Variants in SMCHD1 observed in about 807,000 individuals in gnomAD.
SMCHD1 encodes the protein structural maintenance of chromosomes flexible hinge domain containing 1.
In SMCHD1, 78 loss-of-function variants were observed where a neutral mutation model predicts 254.7. The ratio of observed to expected loss-of-function variants is 0.31; its 90% CI spans 0.26 to 0.37. The LOEUF is 0.37. SMCHD1 is among the 10% of genes least tolerant of loss of function. SMCHD1 has a pLI of 1.00. For synonymous variants in SMCHD1, 766 were observed against 794.9 expected (o/e 0.96, Z 0.61); for missense variants, 1,840 against 2,408.1 (o/e 0.76, Z 4.94).
At chr18:2,756,054 A>G (rs977400379) in intron 34 of SMCHD1, among the ~76,000 whole-genome samples, 1 of 152,142 alleles carries the variant, frequency 6.6e-6, no homozygotes, top group Non-Finnish European at 1.5e-5. Context: ...CTAAGTCTTA[A>G]TTATAAATTG....
rs370792458 is a variant in SMCHD1, at chr18:2,656,202, C to T, written c.127C>T (p.Arg43Trp). The T allele has an allele frequency of 3.3e-6, 5 of 1,505,042 alleles. No individual in the cohort carries two copies. The highest frequency in any genetic ancestry group is 2.7e-5 in the East Asian group (1 of 36,920). The allele number at this position is 1,505,042 out of a possible 1,614,324, so 93.2% of individuals were successfully genotyped here. A position where few individuals can be genotyped will look rare whatever the true frequency, so the allele number is the denominator to read the frequency against. The change falls in exon 1 of 48, where the codon CGG (arginine) becomes TGG (tryptophan). Residue 43 changes from arginine to tryptophan, a missense_variant. Arg to Trp is a moderately radical substitution (Grantham distance 101). This residue lies in a region of SMCHD1 where 115 missense variants were observed against 99.1 expected (regional missense o/e 1.16). Transcript: ENST00000320876. The part of the protein sequence containing the change: ...RREKESELGD[R>W]PLQVGERSDY... ...CGAAAAGGAGTCCGAGCTCGGGGAC[C>T]GGCCTCTGCAGGTCGGGGAGCGCTC...
intron 34 of SMCHD1, among the ~76,000 whole-genome samples, chr18:2,760,030 C>T (rs540438218): frequency 3.9e-5 from 6 of 152,124 alleles, no homozygotes; most frequent in Admixed American, 2.0e-4. Flanking sequence ...TGCATTGAGC[C>T]GGTATTTTGA....
intron 12 of SMCHD1, among the ~76,000 whole-genome samples, chr18:2,701,911 G>A (rs1157088138): frequency 6.6e-6 from 1 of 152,046 alleles, no homozygotes; most frequent in Non-Finnish European, 1.5e-5. Flanking sequence ...CCTGTAAGAT[G>A]TTGAAATTAA....
Position 2,726,544 on chromosome 18 carries a change from TA to T in SMCHD1, c.2773+21del. Reference sequence around the variant, plus strand: ...TACCTGGTAATATTATTTCAAGAAATATAATTATTTAAAATAATTTTCTTAT... The same window carrying T: ...TACCTGGTAATATTATTTCAAGAAATTAATTATTTAAAATAATTTTCTTAT... On this transcript the variant is annotated intron_variant, in intron 22 of 47. Transcript: ENST00000320876. The T allele has an allele frequency of 3.5e-6, 4 of 1,134,460 alleles. No individual in the cohort carries two copies. Among genetic ancestry groups the T allele is most frequent in the Non-Finnish European group, 4.9e-6 (4 of 811,216 alleles). The allele number at this position is 1,134,460 out of a possible 1,614,324, so 70.3% of individuals were successfully genotyped here. A position where few individuals can be genotyped will look rare whatever the true frequency, so the allele number is the denominator to read the frequency against.
chr18:2,687,283 T>A (rs2074074077), intron 5 of SMCHD1, among the ~76,000 whole-genome samples: 1 of 152,236 alleles, frequency 6.6e-6, no homozygotes, highest in African/African-American at 2.4e-5. Flanking sequence ...TATGTTAGAT[T>A]GTGCTTGTAG....
intron 20 of SMCHD1, among the ~76,000 whole-genome samples, chr18:2,723,386 G>GT (rs2074965874): frequency 1.3e-5 from 2 of 151,964 alleles, no homozygotes; most frequent in Admixed American, 6.6e-5. Flanking sequence ...AAATGAGTAG[G>GT]AGACTGGAAT....
intron 45 of SMCHD1, among the ~76,000 whole-genome samples, chr18:2,789,984 C>A (rs2076294624): frequency 6.6e-6 from 1 of 152,080 alleles, no homozygotes; most frequent in Non-Finnish European, 1.5e-5. Context: ...GAGATTGAGA[C>A]CAGCCTGGCC....
At chr18:2,779,494 C>G (rs2076120159) in intron 44 of SMCHD1, among the ~76,000 whole-genome samples, 1 of 152,132 alleles carries the variant, frequency 6.6e-6, no homozygotes, top group African/African-American at 2.4e-5. Context: ...AAAGGAACAT[C>G]CTTGACTTGA....
chr18:2,734,610 GCCT>G (rs753732488), intron 25 of SMCHD1, among the ~76,000 whole-genome samples: 170 of 150,532 alleles, frequency 1.1e-3, no homozygotes, highest in Non-Finnish European at 1.7e-3. Context: ...AGTGAGGAAA[GCCT>G]TTTATCTTTT....
chr18:2,740,350 T>TA (rs906795819), intron 27 of SMCHD1, among the ~76,000 whole-genome samples: 1 of 152,180 alleles, frequency 6.6e-6, no homozygotes, highest in Non-Finnish European at 1.5e-5. Flanking sequence ...GCATTTGGGT[T>TA]AAAAAATTCT....
intron 3 of SMCHD1, among the ~76,000 whole-genome samples, chr18:2,668,649 G>A (rs1042994095): frequency 5.9e-5 from 9 of 152,162 alleles, no homozygotes; most frequent in Middle Eastern, 3.4e-3. Context: ...TTTTGATCCT[G>A]TTTATAGCAA....
chr18:2,694,716 G>A lies in SMCHD1; in HGVS notation c.1040+23G>A, dbSNP rs755059063. On this transcript the variant is annotated intron_variant, in intron 8 of 47. Coordinates refer to ENST00000320876, the MANE Select transcript of SMCHD1 (RefSeq NM_015295.3). The stretch of plus-strand genomic sequence containing the variant: ...AGCGTAAGTAATTATATTTGGCTTA[G>A]GAAATGTTGCTACTTAACTTTTTTA... 5 of 1,599,582 alleles carry A rather than the reference G, an allele frequency of 3.1e-6. No homozygotes were observed. The Admixed American group carries it at 5.4e-5, about 17-fold the overall frequency.
Position 2,718,545 on chromosome 18 carries a change from C to G in SMCHD1, c.2458+111C>G. ...TGTTTGAACAATTGGGTAACCATCT[C>G]GATTTTATTTTATTTTCTTACTTAC... On this transcript the variant is annotated intron_variant, in intron 19 of 47. Transcript: ENST00000320876. The surrounding 1 kb of genome is among the most constrained non-coding windows in gnomAD (Gnocchi z 4.6). 1.1e-6 allele frequency: 1 copy of G among 909,708 alleles called. No individual in the cohort carries two copies. The highest frequency in any genetic ancestry group is 3.4e-5 in the Admixed American group (1 of 29,632). The allele number at this position is 909,708 out of a possible 1,614,324, so 56.4% of individuals were successfully genotyped here.
At chr18:2,662,805 A>C (rs1435929610) in intron 1 of SMCHD1, among the ~76,000 whole-genome samples, 1 of 152,134 alleles carries the variant, frequency 6.6e-6, no homozygotes, top group Non-Finnish European at 1.5e-5. Flanking sequence ...AAACAAATAG[A>C]ATCTTCCCAG....
intron 28 of SMCHD1, among the ~76,000 whole-genome samples, chr18:2,742,788 C>G (rs1286921221): frequency 2.0e-5 from 3 of 152,128 alleles, no homozygotes; most frequent in Non-Finnish European, 4.4e-5. Context: ...GTGATCCTCC[C>G]ACCAGAGCCT....
chr18:2,699,749 T>TTG (rs2074360431), intron 10 of SMCHD1, among the ~76,000 whole-genome samples: 1 of 152,226 alleles, frequency 6.6e-6, no homozygotes, highest in African/African-American at 2.4e-5. Flanking sequence ...AGTTGAGTGA[T>TTG]CAATCAGAGG....
intron 44 of SMCHD1, among the ~76,000 whole-genome samples, chr18:2,781,085 G>T (rs531041242): frequency 6.6e-5 from 10 of 152,316 alleles, no homozygotes; most frequent in Non-Finnish European, 1.2e-4. Context: ...CCCTCGAGGG[G>T]CTTTAGGATA....
At chr18:2,706,730 T>TA (rs554825774) in intron 15 of SMCHD1, among the ~76,000 whole-genome samples, 3 of 152,170 alleles carry the variant, frequency 2.0e-5, no homozygotes, top group African/African-American at 4.8e-5. Flanking sequence ...TAACATGTTT[T>TA]AAAAAAACTC....
At chr18:2,669,764 A>C (rs1202397912) in intron 3 of SMCHD1, among the ~76,000 whole-genome samples, 1 of 152,180 alleles carries the variant, frequency 6.6e-6, no homozygotes, top group Admixed American at 6.5e-5. Flanking sequence ...CTCCTCTAGG[A>C]TGTCTAAAAT....
Sources: gnomAD v4.1 joint callset for allele counts (sites outside exome capture counted in the v4.1 genomes callset) on GRCh38, gnomAD v4.1.1 for gene constraint, gnomAD v4.1.1 regional missense constraint, Gnocchi (gnomAD v3.1) non-coding constraint, MANE v1.5 for transcripts, NCBI Gene and HGNC (gene_info 2026-07-23, HGNC 2026-07-21) for gene names.